Variants in MPPED1 observed in about 807,000 individuals in gnomAD.
The protein encoded by MPPED1 is metallophosphoesterase domain containing 1.
A neutral mutation model predicts 36.2 loss-of-function variants in MPPED1; 16 were observed. That is an observed-to-expected ratio of 0.44 (90% CI 0.30 to 0.67). MPPED1 has a LOEUF of 0.67. MPPED1 is among the 30% of genes least tolerant of loss of function. MPPED1 has a pLI of 0.10. For missense variants in MPPED1, 307 were observed against 453.4 expected (o/e 0.68, Z 2.93); for synonymous variants, 199 against 191.3 (o/e 1.04, Z -0.33).
intron 1 of MPPED1, among the ~76,000 whole-genome samples, chr22:43,415,660 A>C (rs1352591226): frequency 6.6e-6 from 1 of 152,202 alleles, no homozygotes; most frequent in Non-Finnish European, 1.5e-5. Context: ...CATCATCATA[A>C]ATAGAAGCAG....
chr22:43,443,973 A>C (rs1373652689), intron 3 of MPPED1, among the ~76,000 whole-genome samples: 2 of 152,208 alleles, frequency 1.3e-5, no homozygotes, highest in Non-Finnish European at 1.5e-5. Flanking sequence ...GAGTGAGATC[A>C]AGGCTCAGAA....
intron 3 of MPPED1, among the ~76,000 whole-genome samples, chr22:43,447,029 C>T (rs1930370240): frequency 6.6e-6 from 1 of 152,150 alleles, no homozygotes; most frequent in South Asian, 2.1e-4. Flanking sequence ...AGACGGAGGG[C>T]AGGTGACTTT....
chr22:43,499,546 G>GGT (rs1450722867), intron 5 of MPPED1, among the ~76,000 whole-genome samples: 1 of 128,074 alleles, frequency 7.8e-6, no homozygotes, highest in Non-Finnish European at 1.7e-5. Context: ...TGGTGATGGT[G>GGT]GGTGGTGGTG....
chr22:43,472,490 G>T (rs1452132109), intron 3 of MPPED1, among the ~76,000 whole-genome samples: 1 of 152,248 alleles, frequency 6.6e-6, no homozygotes, highest in Admixed American at 6.5e-5. Context: ...GGCAGAGTGG[G>T]TCTGGGATCC....
At chr22:43,415,280 TAA>T (rs1345112294) in intron 1 of MPPED1, among the ~76,000 whole-genome samples, 1 of 39,184 alleles carries the variant, frequency 2.6e-5, no homozygotes, top group African/African-American at 1.0e-4. Flanking sequence ...AGGAAAAAAA[TAA>T]GAGACCCCTT....
At chr22:43,492,134 C>T (rs1932125192) in intron 4 of MPPED1, among the ~76,000 whole-genome samples, 1 of 151,958 alleles carries the variant, frequency 6.6e-6, no homozygotes, top group Admixed American at 6.6e-5. Context: ...TACTGTGTAC[C>T]AGGCCCGTTT....
At chr22:43,435,838 C>G (rs191083532) in intron 3 of MPPED1, among the ~76,000 whole-genome samples, 1 of 152,240 alleles carries the variant, frequency 6.6e-6, no homozygotes, top group Non-Finnish European at 1.5e-5. Flanking sequence ...GCCTGGGCAA[C>G]AGAGTGAGAC....
At chr22:43,451,392 C>A (rs887802297) in intron 3 of MPPED1, among the ~76,000 whole-genome samples, 3 of 152,142 alleles carry the variant, frequency 2.0e-5, no homozygotes, top group African/African-American at 7.2e-5. Context: ...GAATTTAGTT[C>A]TTTGAAATTT....
chr22:43,477,680 G>C (rs534969894), intron 4 of MPPED1, among the ~76,000 whole-genome samples: 2 of 152,172 alleles, frequency 1.3e-5, no homozygotes, highest in Non-Finnish European at 2.9e-5. Context: ...CCCTGGCCTC[G>C]GCAGGTGCCT....
chr22:43,416,460 G>A (rs1216652185), intron 1 of MPPED1: 1 of 152,186 alleles, frequency 6.6e-6, no homozygotes, highest in Non-Finnish European at 1.5e-5. Flanking sequence ...TTTGCAAATT[G>A]TATTTGAATC....
At chr22:43,431,066 G>T (rs1373361281) in intron 2 of MPPED1, among the ~76,000 whole-genome samples, 2 of 96,626 alleles carry the variant, frequency 2.1e-5, no homozygotes, top group African/African-American at 8.4e-5. Context: ...TTTTTAGACA[G>T]AGTCTCACTC....
At chr22:43,442,104 C>T (rs555192239) in intron 3 of MPPED1, among the ~76,000 whole-genome samples, 3 of 151,868 alleles carry the variant, frequency 2.0e-5, no homozygotes, top group Non-Finnish European at 4.4e-5. Context: ...TGACCCCCCT[C>T]CACGCCCCTC....
chr22:43,471,125 C>T (rs916851210), intron 3 of MPPED1, among the ~76,000 whole-genome samples: 10 of 152,212 alleles, frequency 6.6e-5, no homozygotes, highest in South Asian at 2.1e-4. Flanking sequence ...CCCCAGTAGT[C>T]GGGAGCTGCA....
intron 1 of MPPED1, among the ~76,000 whole-genome samples, chr22:43,415,593 A>G (rs993695964): frequency 1.3e-5 from 2 of 152,110 alleles, no homozygotes; most frequent in Non-Finnish European, 2.9e-5. Flanking sequence ...TTCATGAATT[A>G]CTCTGTGGGG....
chr22:43,492,075 G>A (rs1932123540), intron 4 of MPPED1, among the ~76,000 whole-genome samples: 1 of 151,938 alleles, frequency 6.6e-6, no homozygotes, highest in Non-Finnish European at 1.5e-5. Context: ...GGTGATTATA[G>A]GGATAATTGA....
chr22:43,481,805 T>TG (rs1931757924), intron 4 of MPPED1, among the ~76,000 whole-genome samples: 2 of 152,306 alleles, frequency 1.3e-5, no homozygotes, highest in African/African-American at 4.8e-5. Flanking sequence ...CTGTGTCCCC[T>TG]GGATCTTGGG....
intron 3 of MPPED1, among the ~76,000 whole-genome samples, chr22:43,443,166 T>A (rs1930212234): frequency 6.6e-6 from 1 of 152,088 alleles, no homozygotes; most frequent in Non-Finnish European, 1.5e-5. Context: ...AAGGCCCCCC[T>A]GGGAGGGTCA....
At position 43,507,736 on chromosome 22, in the gene MPPED1, A is replaced by G. The variant is rs903183713; in HGVS notation, c.*2120A>G. The G allele has an allele frequency of 6.6e-6, 1 of 152,084 alleles. No homozygotes were observed. The highest frequency in any genetic ancestry group is 2.4e-5 in the African/African-American group (1 of 41,418). The allele number at this position is 152,084 out of a possible 1,614,324, so 9.4% of individuals were successfully genotyped here. A position where few individuals can be genotyped will look rare whatever the true frequency, so the allele number is the denominator to read the frequency against. On this transcript the variant is annotated 3_prime_UTR_variant, in exon 7 of 7. Coordinates refer to ENST00000443721, the MANE Select transcript of MPPED1 (RefSeq NM_001044370.2). The stretch of plus-strand genomic sequence containing the variant: ...AAAATTCATTAAAAGTCCTCGAGGT[A>G]TGAAGATGACGGCGTGCTTCTCAAT...
At chr22:43,416,932 C>T in intron 1 of MPPED1, 2 of 973,818 alleles carry the variant, frequency 2.1e-6, no homozygotes, top group South Asian at 9.5e-5. Context: ...AATTTGAAGA[C>T]AAGCCCGGCG....
Sources: gnomAD v4.1 joint callset for allele counts (sites outside exome capture counted in the v4.1 genomes callset) on GRCh38, gnomAD v4.1.1 for gene constraint, MANE v1.5 for transcripts, NCBI Gene and HGNC (gene_info 2026-07-23, HGNC 2026-07-21) for gene names.